Variants in ECPAS observed in about 807,000 individuals in gnomAD.
ECPAS encodes Ecm29 proteasome adaptor and scaffold, also known as proteasome adapter and scaffold protein ECM29.
Under a neutral mutation model 255.1 loss-of-function variants are expected in ECPAS, and 70 were observed. The ratio of observed to expected loss-of-function variants is 0.27; its 90% CI spans 0.23 to 0.33. The LOEUF (loss-of-function observed/expected upper bound fraction) is 0.33. Ranked by LOEUF, ECPAS falls within the 10% of genes least tolerant of loss-of-function variation. The probability of loss-of-function intolerance (pLI) is 1.00; values close to 1 mark genes in which losing one functional copy is unlikely to be tolerated. For missense variants in ECPAS, 1,817 were observed against 2,206.4 expected (o/e 0.82, Z 3.54); for synonymous variants, 784 against 775.0 (o/e 1.01, Z -0.19).
In ECPAS at chr9:111,386,175, G is replaced by A. The variant is rs577098678; in HGVS notation, c.3527+202C>T. On this transcript the variant is annotated intron_variant, in intron 32 of 49. Transcript: ENST00000684092. ...GACGGGGTTTCACCATGTTGCCCACGCTGGTCTTGAACTCCTCACCTCAGG... is the reference window on the plus strand; with the variant it reads ...GACGGGGTTTCACCATGTTGCCCACACTGGTCTTGAACTCCTCACCTCAGG... 3.9e-4 allele frequency among the ~76,000 whole-genome samples: 60 copies of A among 152,290 alleles called. No individual in the cohort carries two copies. The South Asian group carries it at 4.8e-3, about 12-fold the overall frequency.
intron 31 of ECPAS, among the ~76,000 whole-genome samples, chr9:111,388,761 A>G (rs1246370645): frequency 6.6e-6 from 1 of 152,198 alleles, no homozygotes; most frequent in Non-Finnish European, 1.5e-5. Context: ...GAATCAACAG[A>G]ATTTGCTACT....
At chr9:111,442,459 G>A (rs1223275473) in intron 4 of ECPAS, 35 bp from the exon 5 acceptor site, 1 of 1,149,256 alleles carries the variant, frequency 8.7e-7, no homozygotes, top group Non-Finnish European at 1.3e-6. Context: ...TGAGTGTGAA[G>A]GAAATACTCT....
At chr9:111,392,216 G>A (rs1157701519) in intron 28 of ECPAS, among the ~76,000 whole-genome samples, 3 of 152,126 alleles carry the variant, frequency 2.0e-5, no homozygotes. Flanking sequence ...CTCCAGCCTG[G>A]GCAACAGAGC....
At chr9:111,412,700 T>A (rs1273445769) in intron 20 of ECPAS, among the ~76,000 whole-genome samples, 1 of 152,102 alleles carries the variant, frequency 6.6e-6, no homozygotes, top group East Asian at 1.9e-4. Flanking sequence ...AACATCAAAG[T>A]TCAATAAAAT....
intron 10 of ECPAS, among the ~76,000 whole-genome samples, chr9:111,426,082 A>G (rs565319465): frequency 6.6e-6 from 1 of 152,366 alleles, no homozygotes; most frequent in South Asian, 2.1e-4. Flanking sequence ...GAGGAAACGA[A>G]GAGTACACAC....
At chr9:111,366,677 C>G (rs752437570) in intron 46 of ECPAS, 50 bp from the exon 47 acceptor site, 1 of 1,195,428 alleles carries the variant, frequency 8.4e-7, no homozygotes. Flanking sequence ...TATAAAAGAA[C>G]AAGAGATGGA....
intron 37 of ECPAS, among the ~76,000 whole-genome samples, chr9:111,376,088 C>T (rs537733349): frequency 1.3e-5 from 2 of 152,292 alleles, no homozygotes; most frequent in Admixed American, 6.5e-5. Flanking sequence ...CTTCACATAC[C>T]TTTATGTTAC....
rs1044172980 is a variant in ECPAS at position 111,461,054 on chromosome 9, G to GA, written c.23-9500dup. On this transcript the variant is annotated intron_variant, in intron 2 of 49. Coordinates refer to ENST00000684092, the MANE Select transcript of ECPAS (RefSeq NM_001364929.1). ...TTTAAATGTGTGGATACCACTAGAA[G>GA]AAAAAAAAAAGTTGATTCTTTCTAT... 2.6e-3 allele frequency among the ~76,000 whole-genome samples: 382 copies of GA among 147,362 alleles called. 5 individuals are homozygous for GA. The highest frequency in any genetic ancestry group is 8.9e-3 in the African/African-American group (360 of 40,384).
intron 3 of ECPAS, among the ~76,000 whole-genome samples, chr9:111,447,328 T>C (rs952518888): frequency 1.3e-5 from 2 of 152,160 alleles, no homozygotes; most frequent in Admixed American, 1.3e-4. Context: ...TCTTGCTATG[T>C]TGCCTAGGCT....
rs1281731403 is a variant in ECPAS at position 111,444,388 on chromosome 9, G to C, written c.260C>G (p.Ser87Cys). The C allele has an allele frequency of 6.2e-7, 1 of 1,608,958 alleles. No individual in the cohort carries two copies. The highest frequency in any genetic ancestry group is 1.1e-5 in the South Asian group (1 of 89,906). ...LVQYQDPAAV[S>C]FVTNFTIIYV... is the part of the protein sequence containing the mutation. ...CAATACAACACTCACTGTGACAAAG[G>C]AAACTGCAGCAGGGTCCTGGTACTG... The change falls in exon 4 of 50, where the codon TCC becomes TGC. Residue 87 changes from serine (S) to cysteine (C), a missense_variant. By Grantham distance (112) the Ser-to-Cys change is moderately radical (BLOSUM62 -1). Coordinates refer to ENST00000684092, the MANE Select transcript of ECPAS (RefSeq NM_001364929.1).
At chr9:111,438,591 C>T (rs183544303) in intron 6 of ECPAS, among the ~76,000 whole-genome samples, 1 of 152,286 alleles carries the variant, frequency 6.6e-6, no homozygotes, top group East Asian at 1.9e-4. Context: ...CAGACTGAGA[C>T]CCTATCTCAA....
At position 111,440,395 on chromosome 9, in the gene ECPAS, T is replaced by C. The variant is rs759329789; in HGVS notation, c.516A>G (p.Leu172=). 6 of 1,612,614 alleles carry C rather than the reference T, an allele frequency of 3.7e-6. No individual in the cohort carries two copies. In the South Asian group the frequency reaches 5.5e-5, roughly 15 times the overall value. Residue 172 remains leucine (L), a synonymous_variant, in exon 6 of 50, where the codon CTA becomes CTG. Coordinates refer to ENST00000684092, the MANE Select transcript of ECPAS (RefSeq NM_001364929.1). ...KTVQLLLDFM[L]DVLLMPYGYV... ...ACCCATAAGGCATCAGAAGGACATC[T>C]AGCATGAAGTCCAAAAGCAGCTGCA...
intron 37 of ECPAS, among the ~76,000 whole-genome samples, chr9:111,375,989 T>C (rs1415729119): frequency 6.6e-6 from 1 of 152,116 alleles, no homozygotes; most frequent in Non-Finnish European, 1.5e-5. Flanking sequence ...CTCCAGGAAG[T>C]TTAGAAATCA....
At chr9:111,385,784 T>C (rs970224417) in intron 32 of ECPAS, among the ~76,000 whole-genome samples, 1 of 152,224 alleles carries the variant, frequency 6.6e-6, no homozygotes, top group African/African-American at 2.4e-5. Context: ...TATAAAGTCA[T>C]GACAATACAA....
At position 111,425,515 on chromosome 9, in the gene ECPAS, T is replaced by A; in HGVS notation, c.1137-19A>T. On this transcript the variant is annotated intron_variant, in intron 11 of 49. Transcript: ENST00000684092. ...TGGACAGCTTTAAATAAAACACACA[T>A]ACACAAAGCAAGATAAGAATCTCAT... 2 of 1,531,682 alleles carry A rather than the reference T, an allele frequency of 1.3e-6. No homozygotes were observed. The highest frequency in any genetic ancestry group is 1.8e-6 in the Non-Finnish European group (2 of 1,130,942). The allele number at this position is 1,531,682 out of a possible 1,614,324, so 94.9% of individuals were successfully genotyped here.
intron 45 of ECPAS, among the ~76,000 whole-genome samples, chr9:111,369,663 T>C (rs7848298): frequency 0.056 from 8,485 of 152,228 alleles, 575 homozygotes; most frequent in African/African-American, 0.15. Context: ...AACTGCAATT[T>C]AGGAGCAATA....
At position 111,396,148 on chromosome 9, in the gene ECPAS, G is replaced by A. The variant is rs1038315603; in HGVS notation, c.2776+882C>T. On this transcript the variant is annotated intron_variant, in intron 25 of 49. Transcript: ENST00000684092. Reference sequence around the variant, plus strand: ...ATACTCTCTTTTAATTTCCTCACTTGAGAGGATAAAATATAAAAATGTGGT... The same window carrying A: ...ATACTCTCTTTTAATTTCCTCACTTAAGAGGATAAAATATAAAAATGTGGT... Among the ~76,000 whole-genome samples, 8 of 152,124 alleles carry A rather than the reference G, an allele frequency of 5.3e-5. No individual in the cohort carries two copies. In the East Asian group the frequency reaches 1.5e-3, roughly 29 times the overall value.
chr9:111,442,181 A>G, intron 5 of ECPAS, 125 bp downstream of exon 5: 2 of 573,798 alleles, frequency 3.5e-6, no homozygotes, highest in East Asian at 6.1e-5. Context: ...AAATTCTATT[A>G]TTTGTCAGCT....
intron 4 of ECPAS, among the ~76,000 whole-genome samples, chr9:111,443,334 T>G (rs2098248407): frequency 6.6e-6 from 1 of 152,136 alleles, no homozygotes; most frequent in Non-Finnish European, 1.5e-5. Context: ...CACTGCAACC[T>G]CCACCTCTGA....
Sources: gnomAD v4.1 joint callset for allele counts (sites outside exome capture counted in the v4.1 genomes callset) on GRCh38, gnomAD v4.1.1 for gene constraint, MANE v1.5 for transcripts, NCBI Gene and HGNC (gene_info 2026-07-23, HGNC 2026-07-21) for gene names.